ZFAT: variants seen among roughly 807,000 people sequenced by gnomAD.
ZFAT encodes the protein zinc finger protein ZFAT.
ZFAT carries 64 observed loss-of-function variants against 117.7 expected under a neutral mutation model. The ratio of observed to expected loss-of-function variants is 0.54; its 90% confidence interval spans 0.44 to 0.67. The LOEUF (loss-of-function observed/expected upper bound fraction) is 0.67, where lower values mean the gene tolerates loss of function less well. Ranked by LOEUF, ZFAT falls within the 30% of genes least tolerant of loss-of-function variation. ZFAT has a pLI of 0.00. For missense variants in ZFAT, 1,433 were observed against 1,584.5 expected (o/e 0.90, Z 1.62); for synonymous variants, 679 against 615.0 (o/e 1.10, Z -1.54).
At chr8:134,479,102 C>T (rs1410228291) in intron 15 of ZFAT, among the ~76,000 whole-genome samples, 1 of 152,088 alleles carries the variant, frequency 6.6e-6, no homozygotes, top group Non-Finnish European at 1.5e-5. Context: ...TAGGGGTTGG[C>T]GGTGCTCCTG....
intron 11 of ZFAT, among the ~76,000 whole-genome samples, chr8:134,558,839 T>C (rs1563847423): frequency 2.0e-5 from 3 of 152,170 alleles, no homozygotes; most frequent in African/African-American, 7.2e-5. Context: ...CTATCAGCAT[T>C]TTACAGATCA....
chr8:134,667,087 G>C (rs1326934607), intron 1 of ZFAT, among the ~76,000 whole-genome samples: 3 of 152,146 alleles, frequency 2.0e-5, no homozygotes, highest in Non-Finnish European at 4.4e-5. Flanking sequence ...TGAACAATGA[G>C]AACTCATGGA....
intron 2 of ZFAT, among the ~76,000 whole-genome samples, chr8:134,649,834 T>A (rs533468458): frequency 6.6e-6 from 1 of 152,204 alleles, no homozygotes; most frequent in South Asian, 2.1e-4. Flanking sequence ...AAATCTCACC[T>A]CGAATTATAA....
chr8:134,484,948 C>T (rs1440620300), intron 15 of ZFAT, among the ~76,000 whole-genome samples: 2 of 151,980 alleles, frequency 1.3e-5, no homozygotes, highest in African/African-American at 4.8e-5. Flanking sequence ...CTTGGATGAA[C>T]AAAGAAAGCA....
chr8:134,778,970 A>G, the ZFAT span, among the ~76,000 whole-genome samples: 1 of 152,188 alleles, frequency 6.6e-6, no homozygotes, highest in Non-Finnish European at 1.5e-5. Context: ...AAAAGGGGTA[A>G]CCAGGGAATC....
intron 1 of ZFAT, among the ~76,000 whole-genome samples, chr8:134,680,220 C>G (rs1158265778): frequency 6.7e-6 from 1 of 148,536 alleles, no homozygotes; most frequent in Non-Finnish European, 1.5e-5. Flanking sequence ...CATGATCGCA[C>G]CACTGTACTC....
chr8:134,491,163 A>C (rs976197112), intron 15 of ZFAT, among the ~76,000 whole-genome samples: 5 of 152,268 alleles, frequency 3.3e-5, no homozygotes, highest in African/African-American at 1.2e-4. Flanking sequence ...TAACTGTTTC[A>C]CATGTAAACA....
intron 8 of ZFAT, among the ~76,000 whole-genome samples, chr8:134,589,591 T>G (rs1270313637): frequency 3.9e-5 from 6 of 152,126 alleles, no homozygotes; most frequent in Admixed American, 3.3e-4. Flanking sequence ...AGGGAGCCCA[T>G]GGGAGTTGCT....
intron 13 of ZFAT, among the ~76,000 whole-genome samples, chr8:134,513,457 G>A (rs1820011033): frequency 6.6e-6 from 1 of 152,212 alleles, no homozygotes; most frequent in Non-Finnish European, 1.5e-5. Context: ...ACAGGTGTGA[G>A]CCACCACGCT....
intron 2 of ZFAT, among the ~76,000 whole-genome samples, chr8:134,647,151 A>C (rs1439955869): frequency 6.6e-6 from 1 of 152,200 alleles, no homozygotes; most frequent in African/African-American, 2.4e-5. Flanking sequence ...ATTCAACAGC[A>C]CATTAAAAAA....
chr8:134,813,059 G>A, the ZFAT span, among the ~76,000 whole-genome samples: 7 of 152,154 alleles, frequency 4.6e-5, no homozygotes, highest in African/African-American at 1.4e-4. Flanking sequence ...AGAACTGACA[G>A]CTTTATATTT....
At chr8:134,631,034 T>C (rs1417711455) in intron 3 of ZFAT, among the ~76,000 whole-genome samples, 1 of 152,226 alleles carries the variant, frequency 6.6e-6, no homozygotes, top group African/African-American at 2.4e-5. Context: ...TAAGGTCATT[T>C]CTGCATATTT....
At chr8:134,499,464 CGTTGCTGGTT>C (rs1818787694) in intron 15 of ZFAT, among the ~76,000 whole-genome samples, 1 of 144,876 alleles carries the variant, frequency 6.9e-6, no homozygotes, top group Admixed American at 6.8e-5. Context: ...GGGATGCCCC[CGTTGCTGGTT>C]ACACACAGAG....
the ZFAT span, among the ~76,000 whole-genome samples, chr8:134,748,834 A>G: frequency 9.4e-3 from 1,425 of 152,192 alleles, 7 homozygotes; most frequent in Middle Eastern, 0.017. Context: ...CACTTTTCAT[A>G]TGTTCTTTGG....
chr8:134,500,776 A>T (rs866638440), intron 15 of ZFAT, among the ~76,000 whole-genome samples: 2 of 152,362 alleles, frequency 1.3e-5, no homozygotes, highest in African/African-American at 4.8e-5. Flanking sequence ...GACAAGGGAG[A>T]GTAACCTATT....
intron 15 of ZFAT, among the ~76,000 whole-genome samples, chr8:134,486,910 G>A (rs1817693258): frequency 1.3e-5 from 2 of 152,166 alleles, no homozygotes; most frequent in South Asian, 4.1e-4. Flanking sequence ...ATGCCTGTGT[G>A]CAGGAACATG....
chr8:134,776,264 T>C, the ZFAT span, among the ~76,000 whole-genome samples: 3 of 152,224 alleles, frequency 2.0e-5, no homozygotes, highest in Non-Finnish European at 4.4e-5. Context: ...CTTCCTATTC[T>C]ATTATTTTAC....
the ZFAT span, among the ~76,000 whole-genome samples, chr8:134,823,944 G>C: frequency 6.6e-6 from 1 of 152,280 alleles, no homozygotes; most frequent in South Asian, 2.1e-4. Context: ...CTAGATCTGG[G>C]ATATTTTATT....
chr8:134,596,208 A>G (rs1826917105), intron 7 of ZFAT, among the ~76,000 whole-genome samples: 1 of 152,202 alleles, frequency 6.6e-6, no homozygotes, highest in Non-Finnish European at 1.5e-5. Context: ...CACATCACAA[A>G]GCACAATCAC....
Sources: gnomAD v4.1 joint callset for allele counts (sites outside exome capture counted in the v4.1 genomes callset) on GRCh38, gnomAD v4.1.1 for gene constraint, MANE v1.5 for transcripts, NCBI Gene and HGNC (gene_info 2026-07-23, HGNC 2026-07-21) for gene names.